VEPH1: variants seen among roughly 807,000 people sequenced by gnomAD.
VEPH1 encodes the protein ventricular zone expressed PH domain containing 1.
A neutral mutation model predicts 85.2 loss-of-function variants in VEPH1; 80 were observed. That is an observed-to-expected ratio of 0.94 (90% confidence interval 0.78 to 1.13). The LOEUF is 1.13. Among genes scored for constraint, VEPH1 ranks in the 50% most tolerant of loss-of-function variants. The pLI is 0.00. For missense variants in VEPH1, 955 were observed against 980.5 expected (o/e 0.97, Z 0.35); for synonymous variants, 297 against 348.0 (o/e 0.85, Z 1.63).
At chr3:157,399,101 C>A (rs1730635787) in intron 6 of VEPH1, among the ~76,000 whole-genome samples, 1 of 151,984 alleles carries the variant, frequency 6.6e-6, no homozygotes, top group African/African-American at 2.4e-5. Flanking sequence ...AAATCTTAAA[C>A]ATGAATGCAG....
chr3:157,426,346 G>A (rs1296083222), intron 5 of VEPH1, among the ~76,000 whole-genome samples: 1 of 152,196 alleles, frequency 6.6e-6, no homozygotes, highest in Non-Finnish European at 1.5e-5. Context: ...ATAGATGTAG[G>A]AGAAGCATAG....
chr3:157,413,178 A>C (rs1731653212), intron 6 of VEPH1, among the ~76,000 whole-genome samples: 1 of 152,178 alleles, frequency 6.6e-6, no homozygotes, highest in African/African-American at 2.4e-5. Flanking sequence ...AAATCCCAAC[A>C]TGAAATCATC....
At chr3:157,347,786 C>T (rs1257368068) in intron 9 of VEPH1, among the ~76,000 whole-genome samples, 2 of 152,250 alleles carry the variant, frequency 1.3e-5, no homozygotes, top group African/African-American at 4.8e-5. Flanking sequence ...ACAGTCCTCA[C>T]TACTGGAGAA....
chr3:157,450,215 C>G (rs1361968352), intron 4 of VEPH1, among the ~76,000 whole-genome samples: 1 of 151,748 alleles, frequency 6.6e-6, no homozygotes, highest in East Asian at 1.9e-4. Flanking sequence ...ACCACCAAGC[C>G]CAGATAAATT....
At chr3:157,357,908 A>G (rs1725625638) in intron 9 of VEPH1, among the ~76,000 whole-genome samples, 1 of 152,204 alleles carries the variant, frequency 6.6e-6, no homozygotes, top group Non-Finnish European at 1.5e-5. Context: ...AAGTTATGTT[A>G]TGTCTTCTTT....
chr3:157,487,102 G>A (rs918518796), intron 2 of VEPH1, among the ~76,000 whole-genome samples: 1 of 151,458 alleles, frequency 6.6e-6, no homozygotes, highest in Non-Finnish European at 1.5e-5. Flanking sequence ...ATACAATTGA[G>A]GAGACTAAAA....
intron 11 of VEPH1, among the ~76,000 whole-genome samples, chr3:157,308,655 A>T (rs1481364024): frequency 6.6e-6 from 1 of 152,118 alleles, no homozygotes; most frequent in Admixed American, 6.5e-5. Flanking sequence ...GAGATAAAAA[A>T]TAATTCTCTT....
chr3:157,339,508 T>C (rs1438424893), intron 9 of VEPH1, among the ~76,000 whole-genome samples: 1 of 152,136 alleles, frequency 6.6e-6, no homozygotes, highest in Non-Finnish European at 1.5e-5. Context: ...ACTGGACAAG[T>C]AGGGCAAAGG....
At chr3:157,378,586 GC>G (rs1241019024) in intron 7 of VEPH1, among the ~76,000 whole-genome samples, 1 of 151,768 alleles carries the variant, frequency 6.6e-6, no homozygotes, top group African/African-American at 2.4e-5. Context: ...CTTGTAATAG[GC>G]ATCTGTATAT....
At chr3:157,438,020 A>AGCGCGC (rs113324549) in intron 4 of VEPH1, 2 of 836,860 alleles carry the variant, frequency 2.4e-6, no homozygotes, top group Admixed American at 3.8e-5. Flanking sequence ...TTTCATGGGA[A>AGCGCGC]GCGCGCGCGC....
In VEPH1 at chr3:157,283,092, T is replaced by G. The variant is rs191731683; in HGVS notation, c.2128+3465A>C. Among the ~76,000 whole-genome samples, 5 of 152,320 alleles carry G rather than the reference T, an allele frequency of 3.3e-5. 1 individual carries two copies. The highest frequency in any genetic ancestry group is 1.2e-4 in the African/African-American group (5 of 41,566). ...TCTGTTCTTCTTTAAGTAGAGTAAG[T>G]CATCGAGGAAGTAGATCACTTCTAA... On this transcript the variant is annotated intron_variant, in intron 12 of 13. Transcript: ENST00000362010.
intron 3 of VEPH1, among the ~76,000 whole-genome samples, chr3:157,469,269 C>T (rs1283049010): frequency 6.6e-6 from 1 of 152,162 alleles, no homozygotes; most frequent in Non-Finnish European, 1.5e-5. Flanking sequence ...TGATCAATTC[C>T]TAGACTGAGC....
intron 7 of VEPH1, among the ~76,000 whole-genome samples, chr3:157,365,243 A>G (rs1256851153): frequency 6.6e-6 from 1 of 152,214 alleles, no homozygotes; most frequent in Non-Finnish European, 1.5e-5. Flanking sequence ...CTGAGTAATT[A>G]TAGGAAAGTA....
chr3:157,473,604 GAT>G (rs1737181782), intron 2 of VEPH1, among the ~76,000 whole-genome samples: 1 of 151,936 alleles, frequency 6.6e-6, no homozygotes, highest in Non-Finnish European at 1.5e-5. Flanking sequence ...TTTGATTCTT[GAT>G]TTTTGGCATA....
intron 7 of VEPH1, 55 bp from the exon 8 acceptor site, chr3:157,364,567 AGT>A (rs1487750654): frequency 2.0e-6 from 3 of 1,512,422 alleles, no homozygotes; most frequent in Non-Finnish European, 9.0e-7. Flanking sequence ...TCTTCAGAAC[AGT>A]GTTATTCTCT....
At position 157,359,120 on chromosome 3, in the gene VEPH1, G is replaced by A. The variant is rs372978753; in HGVS notation, c.1735+4244C>T. 1.1e-4 allele frequency among the ~76,000 whole-genome samples: 17 copies of A among 152,312 alleles called. No homozygotes were observed. In the East Asian group the frequency reaches 3.1e-3, roughly 28 times the overall value. On this transcript the variant is annotated intron_variant, in intron 9 of 13. Transcript: ENST00000362010. Reference sequence around the variant, plus strand: ...CCTTGCTGATACACTCTACAGATGGGATGTATTTTCACCCAATCAGGAAAT... The same window carrying A: ...CCTTGCTGATACACTCTACAGATGGAATGTATTTTCACCCAATCAGGAAAT...
chr3:157,481,486 A>AAAAAAAAAAAAAAAAAC (rs57277738), intron 2 of VEPH1, among the ~76,000 whole-genome samples: 19 of 79,056 alleles, frequency 2.4e-4, no homozygotes, highest in East Asian at 1.6e-3. Context: ...AAAAAAAAAA[A>AAAAAAAAAAAAAAAAAC]CAATCCTAAG....
chr3:157,377,611 G>A (rs1728270190), intron 7 of VEPH1, among the ~76,000 whole-genome samples: 1 of 152,134 alleles, frequency 6.6e-6, no homozygotes, highest in Non-Finnish European at 1.5e-5. Context: ...TTTCGTGATA[G>A]TGAGTGAGTT....
chr3:157,305,141 G>C (rs373340693), intron 11 of VEPH1, among the ~76,000 whole-genome samples: 1 of 110,462 alleles, frequency 9.1e-6, no homozygotes, highest in Non-Finnish European at 1.7e-5. Flanking sequence ...ACGGAGTCTC[G>C]CTCTGTCGCC....
Sources: gnomAD v4.1 joint callset for allele counts (sites outside exome capture counted in the v4.1 genomes callset) on GRCh38, gnomAD v4.1.1 for gene constraint, MANE v1.5 for transcripts, NCBI Gene and HGNC (gene_info 2026-07-23, HGNC 2026-07-21) for gene names.